Variants in AGAP1 observed in about 807,000 individuals in gnomAD.
AGAP1 encodes arf-GAP with GTPase, ANK repeat and PH domain-containing protein 1.
Under a neutral mutation model 105.3 loss-of-function variants are expected in AGAP1, and 29 were observed. The ratio of observed to expected loss-of-function variants is 0.28; its 90% CI spans 0.21 to 0.38. The LOEUF (loss-of-function observed/expected upper bound fraction) is 0.38. Ranked by LOEUF, AGAP1 falls within the 10% of genes least tolerant of loss-of-function variation. AGAP1 has a pLI of 1.00. For synonymous variants in AGAP1, 509 were observed against 485.9 expected (o/e 1.05, Z -0.63); for missense variants, 998 against 1,165.1 (o/e 0.86, Z 2.09).
rs1267174461 is a variant in AGAP1 at position 235,752,672 on chromosome 2, A to T, written c.673+2184A>T. 6.6e-6 allele frequency among the ~76,000 whole-genome samples: 1 copy of T among 152,184 alleles called. No individual in the cohort carries two copies. Among genetic ancestry groups the T allele is most frequent in the Non-Finnish European group, 1.5e-5 (1 of 68,030 alleles). On this transcript the variant is annotated intron_variant, in intron 6 of 17. Transcript: ENST00000304032. The surrounding 1 kb of genome is among the most constrained non-coding windows in gnomAD (Gnocchi z 4.3). ...ATATCAGGGACTCAGTTGTCTGGAT[A>T]AGTTTAGTTTCCACAGTGACTCCTT...
rs528408056 is a variant in AGAP1 at position 236,112,181 on chromosome 2, CGAG to C, written c.2115-8005_2115-8003del. On this transcript the variant is annotated intron_variant, in intron 16 of 17. Coordinates refer to ENST00000304032, the MANE Select transcript of AGAP1 (RefSeq NM_001037131.3). ...CTGTAATCCCAGCACTTTGGGAGGC[CGAG>C]GAGGACAGATCACCTGAGGTCCATA... 1.3e-3 allele frequency among the ~76,000 whole-genome samples: 194 copies of C among 152,072 alleles called. 2 individuals carry two copies. The highest frequency in any genetic ancestry group is 2.9e-3 in the Admixed American group (44 of 15,256).
chr2:235,590,608 A>G (rs1945292451), intron 1 of AGAP1, among the ~76,000 whole-genome samples: 1 of 151,190 alleles, frequency 6.6e-6, no homozygotes, highest in South Asian at 2.1e-4. Context: ...AGAACCTGCC[A>G]GGATAGGCCA....
chr2:235,728,025 C>T lies in AGAP1; in HGVS notation c.310+10381C>T, dbSNP rs557101608. Among the ~76,000 whole-genome samples, 1 of 152,134 alleles carries T rather than the reference C, an allele frequency of 6.6e-6. No homozygotes were observed. The highest frequency in any genetic ancestry group is 1.5e-5 in the Non-Finnish European group (1 of 68,028). The stretch of plus-strand genomic sequence containing the variant: ...AGCTGGGATTGCCTCTCGCAACTCC[C>T]CAAAGAAAATGCTGCGTCCTTGTAA... On this transcript the variant is annotated intron_variant, in intron 3 of 17. Coordinates refer to ENST00000304032, the MANE Select transcript of AGAP1 (RefSeq NM_001037131.3). This position sits in a 1 kb window ranked among gnomAD's most constrained non-coding sequence, Gnocchi z 4.3.
rs550052937 is a variant in AGAP1, at chr2:235,879,984, G to A, written c.1051-3361G>A. ...AAATTAGCCGAACAGGATGGCACAC[G>A]CCTGTAGTCCCAAGCTACTCAGGAG... On this transcript the variant is annotated intron_variant, in intron 9 of 17. Coordinates refer to ENST00000304032, the MANE Select transcript of AGAP1 (RefSeq NM_001037131.3). The surrounding 1 kb of genome is among the most constrained non-coding windows in gnomAD (Gnocchi z 5.0). Among the ~76,000 whole-genome samples the A allele has an allele frequency of 4.0e-5, 6 of 151,420 alleles. No individual in the cohort carries two copies. Among genetic ancestry groups the A allele is most frequent in the Admixed American group, 2.6e-4 (4 of 15,216 alleles).
rs1332358023 is a variant in AGAP1 at position 236,101,375 on chromosome 2, G to A, written c.2115-18817G>A. ...GCAGTTTTTATTGGAAGCCTACTTG[G>A]AGTTCTCTGCAGCTTTTTCTGAATG... On this transcript the variant is annotated intron_variant, in intron 16 of 17. Transcript: ENST00000304032. The surrounding 1 kb of genome is among the most constrained non-coding windows in gnomAD (Gnocchi z 4.9). 2.0e-5 allele frequency among the ~76,000 whole-genome samples: 3 copies of A among 152,186 alleles called. No homozygotes were observed. Among genetic ancestry groups the A allele is most frequent in the Non-Finnish European group, 2.9e-5 (2 of 68,032 alleles).
At chr2:235,531,444 T>C (rs1476372918) in intron 1 of AGAP1, among the ~76,000 whole-genome samples, 1 of 152,146 alleles carries the variant, frequency 6.6e-6, no homozygotes, top group Non-Finnish European at 1.5e-5. Flanking sequence ...CATCTCTGCA[T>C]CGGTCTTCTC....
At chr2:235,507,420 C>G (rs187829235) in intron 1 of AGAP1, 1 of 152,406 alleles carries the variant, frequency 6.6e-6, no homozygotes, top group East Asian at 1.9e-4. Flanking sequence ...GCAGCCGGTG[C>G]GGTTTTGCCT....
At chr2:235,598,976 G>C (rs1287378936) in intron 1 of AGAP1, among the ~76,000 whole-genome samples, 1 of 152,166 alleles carries the variant, frequency 6.6e-6, no homozygotes, top group Non-Finnish European at 1.5e-5. Context: ...CAGATGAGTG[G>C]GAGCCTGTCT....
intron 1 of AGAP1, among the ~76,000 whole-genome samples, chr2:235,523,002 T>C (rs1447966839): frequency 6.6e-6 from 1 of 152,042 alleles, no homozygotes; most frequent in African/African-American, 2.4e-5. Flanking sequence ...GCTTCAACAA[T>C]AGTCGTTTAT....
Position 235,751,673 on chromosome 2 carries a change from T to C in AGAP1, c.673+1185T>C, listed in dbSNP as rs926851801. Among the ~76,000 whole-genome samples, 7 of 152,222 alleles carry C rather than the reference T, an allele frequency of 4.6e-5. No homozygotes were observed. The highest frequency in any genetic ancestry group is 1.7e-4 in the African/African-American group (7 of 41,452). ...GACATCAGTTCTCAAACTTCACATTTTCTTTCCTGGAGCAGTGAGGTTCCT... is the reference window on the plus strand; with the variant it reads ...GACATCAGTTCTCAAACTTCACATTCTCTTTCCTGGAGCAGTGAGGTTCCT... On this transcript the variant is annotated intron_variant, in intron 6 of 17. Transcript: ENST00000304032. This position sits in a 1 kb window ranked among gnomAD's most constrained non-coding sequence, Gnocchi z 5.3.
chr2:235,995,233 G>A (rs2055758254), intron 13 of AGAP1, among the ~76,000 whole-genome samples: 2 of 151,932 alleles, frequency 1.3e-5, no homozygotes, highest in Non-Finnish European at 2.9e-5. Context: ...CCAAAGAAAA[G>A]GCTAGGCCCA....
intron 13 of AGAP1, among the ~76,000 whole-genome samples, chr2:235,998,133 A>G (rs1486923195): frequency 2.0e-5 from 3 of 152,210 alleles, no homozygotes; most frequent in Non-Finnish European, 2.9e-5. Context: ...TGCCACCATC[A>G]TTTCATAGAA....
chr2:235,607,117 G>A (rs769505816), intron 1 of AGAP1, among the ~76,000 whole-genome samples: 23 of 152,126 alleles, frequency 1.5e-4, no homozygotes, highest in Non-Finnish European at 3.1e-4. Context: ...GCTGGGTAAG[G>A]GACGTTTCCC....
Position 235,596,405 on chromosome 2 carries a change from C to T in AGAP1, c.163+101556C>T, listed in dbSNP as rs1442241722. The stretch of plus-strand genomic sequence containing the variant: ...GGGAGGGGCATCCCAGAGACTTACT[C>T]CAGCTGCTTAACTCCGGTGTGCCTG... On this transcript the variant is annotated intron_variant, in intron 1 of 17. Coordinates refer to ENST00000304032, the MANE Select transcript of AGAP1 (RefSeq NM_001037131.3). This position sits in a 1 kb window ranked among gnomAD's most constrained non-coding sequence, Gnocchi z 5.9. Among the ~76,000 whole-genome samples, 1 of 152,196 alleles carries T rather than the reference C, an allele frequency of 6.6e-6. No individual in the cohort carries two copies. The highest frequency in any genetic ancestry group is 1.5e-5 in the Non-Finnish European group (1 of 68,028).
intron 1 of AGAP1, among the ~76,000 whole-genome samples, chr2:235,696,827 T>C (rs950533896): frequency 6.6e-6 from 1 of 151,928 alleles, no homozygotes; most frequent in Non-Finnish European, 1.5e-5. Context: ...CTACTAAAAA[T>C]ACAGAAATTA....
intron 1 of AGAP1, among the ~76,000 whole-genome samples, chr2:235,503,962 C>T (rs1052636254): frequency 6.6e-6 from 1 of 152,216 alleles, no homozygotes; most frequent in Non-Finnish European, 1.5e-5. Flanking sequence ...TCGTGGCTCA[C>T]TGAAGCCTTG....
At position 235,744,464 on chromosome 2, in the gene AGAP1, G is replaced by A. The variant is rs1423227347; in HGVS notation, c.397-234G>A. On this transcript the variant is annotated intron_variant, in intron 4 of 17. Transcript: ENST00000304032. The surrounding 1 kb of genome is among the most constrained non-coding windows in gnomAD (Gnocchi z 5.2). Reference sequence around the variant, plus strand: ...TGTCCTCTGAAGACAGAGTGGCTTGGGTGGGAACAGGATGAAGGGCCCATT... The same window carrying A: ...TGTCCTCTGAAGACAGAGTGGCTTGAGTGGGAACAGGATGAAGGGCCCATT... Among the ~76,000 whole-genome samples, 3 of 152,172 alleles carry A rather than the reference G, an allele frequency of 2.0e-5. No individual in the cohort carries two copies. Among genetic ancestry groups the A allele is most frequent in the Admixed American group, 2.0e-4 (3 of 15,278 alleles).
chr2:235,929,039 C>T (rs62190946), intron 11 of AGAP1, among the ~76,000 whole-genome samples: 4,034 of 152,272 alleles, frequency 0.026, 74 homozygotes, highest in Non-Finnish European at 0.04. Context: ...ATGGAGCTCT[C>T]AGAACATCAG....
Position 235,891,701 on chromosome 2 carries a change from G to A in AGAP1, c.1155+8252G>A, listed in dbSNP as rs943813806. Among the ~76,000 whole-genome samples the A allele has an allele frequency of 3.3e-5, 5 of 152,128 alleles. No individual in the cohort carries two copies. Among genetic ancestry groups the A allele is most frequent in the Admixed American group, 6.5e-5 (1 of 15,276 alleles). ...GGAAGGATGAGCTGAGTGGCCTCAC[G>A]GTCAAGCCAAGGACTTCAAGGTGCC... On this transcript the variant is annotated intron_variant, in intron 10 of 17. Transcript: ENST00000304032. This position sits in a 1 kb window ranked among gnomAD's most constrained non-coding sequence, Gnocchi z 4.2.
Sources: gnomAD v4.1 joint callset for allele counts (sites outside exome capture counted in the v4.1 genomes callset) on GRCh38, gnomAD v4.1.1 for gene constraint, Gnocchi (gnomAD v3.1) non-coding constraint, MANE v1.5 for transcripts, NCBI Gene and HGNC (gene_info 2026-07-23, HGNC 2026-07-21) for gene names.